The following RASGRF2 variants were observed in gnomAD, a reference collection of about 807,000 sequenced individuals.
RASGRF2 encodes ras-specific guanine nucleotide-releasing factor 2.
RASGRF2 carries 76 observed loss-of-function variants against 151.0 expected under a neutral mutation model. The observed-to-expected ratio is 0.50, with a 90% confidence interval of 0.42 to 0.61. The LOEUF is 0.61. Ranked by LOEUF, RASGRF2 falls within the 20% of genes least tolerant of loss-of-function variation. The pLI is 0.00. For synonymous variants in RASGRF2, 504 were observed against 566.5 expected (o/e 0.89, Z 1.57); for missense variants, 1,148 against 1,564.6 (o/e 0.73, Z 4.49).
At chr5:81,199,351 G>A (rs1755336423) in intron 18 of RASGRF2, among the ~76,000 whole-genome samples, 1 of 152,174 alleles carries the variant, frequency 6.6e-6, no homozygotes. Flanking sequence ...GAAATACTAA[G>A]GATGTATTAC....
intron 17 of RASGRF2, among the ~76,000 whole-genome samples, chr5:81,132,771 T>G (rs993345969): frequency 6.6e-6 from 1 of 152,196 alleles, no homozygotes; most frequent in Admixed American, 6.5e-5. Context: ...GTACCATCAT[T>G]GATCTACAAA....
At chr5:81,210,861 C>T (rs1286833233) in intron 22 of RASGRF2, among the ~76,000 whole-genome samples, 3 of 152,094 alleles carry the variant, frequency 2.0e-5, no homozygotes, top group African/African-American at 7.2e-5. Flanking sequence ...AGACTCAATG[C>T]AAGGCTGGAG....
At chr5:81,068,321 C>A in intron 3 of RASGRF2, 142 bp downstream of exon 3, 1 of 854,328 alleles carries the variant, frequency 1.2e-6, no homozygotes, top group Non-Finnish European at 1.8e-6. Flanking sequence ...TGGGCCTGAC[C>A]TAGACATGAA....
At chr5:80,977,294 T>C (rs1477108895) in intron 1 of RASGRF2, among the ~76,000 whole-genome samples, 2 of 152,128 alleles carry the variant, frequency 1.3e-5, no homozygotes, top group African/African-American at 4.8e-5. Flanking sequence ...AAGTTCTAGA[T>C]CCATCTTTGA....
At chr5:81,067,265 A>G (rs546368462) in intron 2 of RASGRF2, among the ~76,000 whole-genome samples, 1 of 152,342 alleles carries the variant, frequency 6.6e-6, no homozygotes, top group South Asian at 2.1e-4. Context: ...GAAAGATGAT[A>G]TGCATGGAAG....
chr5:81,146,299 A>C (rs1310261803), intron 17 of RASGRF2, among the ~76,000 whole-genome samples: 2 of 152,050 alleles, frequency 1.3e-5, no homozygotes, highest in Non-Finnish European at 2.9e-5. Context: ...CTGTGTAGCT[A>C]TTGTCTGTGT....
intron 17 of RASGRF2, among the ~76,000 whole-genome samples, chr5:81,170,639 G>A (rs986739754): frequency 6.6e-6 from 1 of 152,066 alleles, no homozygotes; most frequent in Non-Finnish European, 1.5e-5. Flanking sequence ...CCCAACTCCT[G>A]TGTTTCTCCT....
chr5:81,102,228 G>A (rs909385093), intron 12 of RASGRF2, among the ~76,000 whole-genome samples: 6 of 152,112 alleles, frequency 3.9e-5, no homozygotes, highest in African/African-American at 1.4e-4. Flanking sequence ...ATATAAAGAG[G>A]GCAAGAGTTG....
At chr5:80,978,729 G>A (rs896672272) in intron 1 of RASGRF2, among the ~76,000 whole-genome samples, 10 of 152,208 alleles carry the variant, frequency 6.6e-5, no homozygotes, top group Admixed American at 2.6e-4. Context: ...GGAGGCTGCA[G>A]TGAGCCAAGA....
intron 1 of RASGRF2, among the ~76,000 whole-genome samples, chr5:81,009,612 T>G (rs1277459522): frequency 1.3e-5 from 2 of 152,130 alleles, no homozygotes; most frequent in African/African-American, 4.8e-5. Flanking sequence ...AAAAGTCAAA[T>G]AAAAAATTGT....
chr5:80,984,433 C>A (rs1748413704), intron 1 of RASGRF2, among the ~76,000 whole-genome samples: 1 of 152,154 alleles, frequency 6.6e-6, no homozygotes, highest in Non-Finnish European at 1.5e-5. Flanking sequence ...TTTGTTGACA[C>A]CTAAGCTATA....
chr5:81,162,618 T>A (rs1754413190), intron 17 of RASGRF2, among the ~76,000 whole-genome samples: 1 of 152,170 alleles, frequency 6.6e-6, no homozygotes, highest in African/African-American at 2.4e-5. Flanking sequence ...AGTACTGGGA[T>A]TACAGGCGTG....
intron 17 of RASGRF2, 53 bp downstream of exon 17, chr5:81,127,216 T>A: frequency 7.1e-6 from 11 of 1,539,770 alleles, no homozygotes; most frequent in Non-Finnish European, 9.8e-6. Context: ...ATTAAGTCAG[T>A]GGCCCGTGTC....
intron 17 of RASGRF2, among the ~76,000 whole-genome samples, chr5:81,136,134 C>A (rs1297582596): frequency 6.6e-6 from 1 of 152,176 alleles, no homozygotes; most frequent in East Asian, 1.9e-4. Context: ...CTGCCTCAGC[C>A]TCCCGACTAT....
intron 17 of RASGRF2, among the ~76,000 whole-genome samples, chr5:81,129,895 A>G (rs1465008255): frequency 6.6e-6 from 1 of 152,308 alleles, no homozygotes; most frequent in Non-Finnish European, 1.5e-5. Flanking sequence ...AGATGAGCCC[A>G]TTCCCCATTT....
chr5:81,163,598 A>G (rs543438999), intron 17 of RASGRF2, among the ~76,000 whole-genome samples: 9 of 152,180 alleles, frequency 5.9e-5, no homozygotes, highest in Non-Finnish European at 1.2e-4. Context: ...TGGTCTCGCT[A>G]CAAAAGAAAC....
chr5:81,001,385 C>T (rs1749075809), intron 1 of RASGRF2, among the ~76,000 whole-genome samples: 1 of 152,108 alleles, frequency 6.6e-6, no homozygotes, highest in Non-Finnish European at 1.5e-5. Context: ...TCCTGAAGGA[C>T]CCCACAGACT....
intron 7 of RASGRF2, among the ~76,000 whole-genome samples, chr5:81,084,623 A>G (rs1752176984): frequency 6.6e-6 from 1 of 152,182 alleles, no homozygotes; most frequent in Non-Finnish European, 1.5e-5. Context: ...TAGTGTGTAA[A>G]TGGACACACT....
intron 22 of RASGRF2, among the ~76,000 whole-genome samples, chr5:81,211,672 C>T (rs756540908): frequency 9.2e-5 from 14 of 152,202 alleles, no homozygotes; most frequent in Admixed American, 3.9e-4. Flanking sequence ...TAAGATTACA[C>T]GCCCTATATT....
Sources: allele counts gnomAD v4.1 joint callset (sites outside exome capture counted in the v4.1 genomes callset), GRCh38; gene constraint gnomAD v4.1.1; transcripts MANE v1.5; gene names NCBI Gene and HGNC (gene_info 2026-07-23, HGNC 2026-07-21).